CADPS: variants seen among roughly 807,000 people sequenced by gnomAD.
CADPS encodes calcium-dependent secretion activator 1.
A neutral mutation model predicts 167.3 loss-of-function variants in CADPS; 57 were observed. The observed-to-expected ratio is 0.34, with a 90% confidence interval of 0.28 to 0.42. The LOEUF (loss-of-function observed/expected upper bound fraction) is 0.42. Ranked by LOEUF, CADPS falls within the 20% of genes least tolerant of loss-of-function variation. The pLI, the probability that CADPS is intolerant of heterozygous loss-of-function variation, is 1.00. For missense variants in CADPS, 1,414 were observed against 1,738.1 expected, an observed-to-expected ratio of 0.81 and a Z score of 3.32; for synonymous variants, 676 against 635.3, an observed-to-expected ratio of 1.06 and a Z score of -0.96.
rs114834877 is a variant in CADPS at position 62,410,598 on chromosome 3, G to T, written c.3778-7413C>A. Reference sequence around the variant, plus strand: ...TGGATCCTGACAAATTCCTAACACCGCTGTGCCTCAGTTTTTTCATCTGGT... The same window carrying T: ...TGGATCCTGACAAATTCCTAACACCTCTGTGCCTCAGTTTTTTCATCTGGT... On this transcript the variant is annotated intron_variant, in intron 28 of 29. Coordinates refer to ENST00000383710, the MANE Select transcript of CADPS (RefSeq NM_003716.4). Among the ~76,000 whole-genome samples, 533 of 152,298 alleles carry T rather than the reference G, an allele frequency of 3.5e-3. 5 individuals carry two copies. In the East Asian group the frequency reaches 0.04, roughly 12 times the overall value.
chr3:62,624,941 G>C (rs868573620), intron 6 of CADPS, among the ~76,000 whole-genome samples: 2 of 151,372 alleles, frequency 1.3e-5, no homozygotes, highest in Middle Eastern at 3.4e-3. Context: ...GCCAATCATT[G>C]CCTCATTCTG....
At chr3:62,556,000 G>T (rs1394578812) in intron 10 of CADPS, among the ~76,000 whole-genome samples, 1 of 152,048 alleles carries the variant, frequency 6.6e-6, no homozygotes, top group Admixed American at 6.6e-5. Context: ...CGATCCTCTC[G>T]CCTTGGGATT....
intron 4 of CADPS, among the ~76,000 whole-genome samples, chr3:62,659,115 G>A (rs564209285): frequency 2.0e-5 from 3 of 152,212 alleles, no homozygotes; most frequent in African/African-American, 7.2e-5. Context: ...AACGGAGTGA[G>A]TTACATATGA....
chr3:62,745,787 T>G (rs2081322372), intron 3 of CADPS, among the ~76,000 whole-genome samples: 1 of 152,254 alleles, frequency 6.6e-6, no homozygotes, highest in Non-Finnish European at 1.5e-5. Flanking sequence ...CTGCATTTAC[T>G]GATTTAGTCA....
intron 18 of CADPS, among the ~76,000 whole-genome samples, chr3:62,495,475 A>G (rs1159978032): frequency 2.0e-5 from 3 of 152,184 alleles, no homozygotes; most frequent in Non-Finnish European, 4.4e-5. Flanking sequence ...GCTAACTCAC[A>G]ATGTTCATGG....
chr3:62,859,097 T>C (rs2080258618), intron 1 of CADPS, among the ~76,000 whole-genome samples: 1 of 152,192 alleles, frequency 6.6e-6, no homozygotes, highest in African/African-American at 2.4e-5. Context: ...CACAGAGTTC[T>C]TGCTGCGATT....
At chr3:62,773,203 C>T (rs1214711231) in intron 1 of CADPS, among the ~76,000 whole-genome samples, 1 of 151,974 alleles carries the variant, frequency 6.6e-6, no homozygotes, top group African/African-American at 2.4e-5. Flanking sequence ...GCCCTTTCTA[C>T]AACCAGACTA....
intron 28 of CADPS, among the ~76,000 whole-genome samples, chr3:62,426,662 C>T (rs537340666): frequency 1.1e-3 from 175 of 152,208 alleles, no homozygotes; most frequent in Middle Eastern, 3.4e-3. Flanking sequence ...GTAGCTTACC[C>T]GATGTCACAC....
At chr3:62,462,535 C>G (rs1039904671) in intron 26 of CADPS, among the ~76,000 whole-genome samples, 1 of 152,230 alleles carries the variant, frequency 6.6e-6, no homozygotes, top group Non-Finnish European at 1.5e-5. Context: ...TACTCGTCAG[C>G]TTTCTGGGGG....
intron 28 of CADPS, among the ~76,000 whole-genome samples, chr3:62,413,916 G>T (rs2049497101): frequency 6.6e-6 from 1 of 151,728 alleles, no homozygotes; most frequent in Non-Finnish European, 1.5e-5. Context: ...ATCTTTGTAA[G>T]ATGAGTGTAG....
chr3:62,596,705 G>C (rs959693786), intron 6 of CADPS, among the ~76,000 whole-genome samples: 5 of 152,106 alleles, frequency 3.3e-5, no homozygotes, highest in African/African-American at 9.7e-5. Flanking sequence ...CCCTTATCTT[G>C]CTGTACTTTT....
rs578082015 is a variant in CADPS at position 62,635,449 on chromosome 3, C to A, written c.1325+10273G>T. Among the ~76,000 whole-genome samples the A allele has an allele frequency of 2.3e-4, 35 of 152,272 alleles. No individual in the cohort carries two copies. The South Asian group carries it at 7.3e-3, about 32-fold the overall frequency. ...AGAAGAACATCCAAAAAACAACACC[C>A]TGTCATTATTAGATTGTATAGTGTG... On this transcript the variant is annotated intron_variant, in intron 6 of 29. Coordinates refer to ENST00000383710, the MANE Select transcript of CADPS (RefSeq NM_003716.4).
rs34655412 is a variant in CADPS at position 62,491,536 on chromosome 3, A to AACAC, written c.2885-60_2885-57dup. On this transcript the variant is annotated intron_variant, in intron 20 of 29. Transcript: ENST00000383710. The stretch of plus-strand genomic sequence containing the variant: ...ACCCACAGCTACTTTATCAACGTAC[A>AACAC]ACACACACACACACACACACAAACA... 7,903 of 1,003,998 alleles carry AACAC rather than the reference A, an allele frequency of 7.9e-3. 106 individuals are homozygous for AACAC. Among genetic ancestry groups the AACAC allele is most frequent in the African/African-American group, 0.055 (2,979 of 54,072 alleles). The allele number at this position is 1,003,998 out of a possible 1,614,324, so 62.2% of individuals were successfully genotyped here.
chr3:62,461,100 T>TG (rs1342987558), intron 26 of CADPS, among the ~76,000 whole-genome samples: 4 of 152,094 alleles, frequency 2.6e-5, no homozygotes, highest in Admixed American at 6.5e-5. Flanking sequence ...TCACGTGAGC[T>TG]GGGGGGAGCT....
intron 28 of CADPS, among the ~76,000 whole-genome samples, chr3:62,437,561 G>T (rs1042699526): frequency 2.6e-5 from 4 of 152,090 alleles, no homozygotes; most frequent in African/African-American, 9.7e-5. Context: ...GTTTAAAGCT[G>T]CAACTGACTG....
At chr3:62,837,203 A>G (rs907049033) in intron 1 of CADPS, among the ~76,000 whole-genome samples, 1 of 152,218 alleles carries the variant, frequency 6.6e-6, no homozygotes, top group African/African-American at 2.4e-5. Context: ...TTGTATTCCC[A>G]TCTTACATAA....
intron 13 of CADPS, among the ~76,000 whole-genome samples, chr3:62,519,981 C>T (rs1255976225): frequency 2.0e-5 from 3 of 152,098 alleles, no homozygotes; most frequent in African/African-American, 4.8e-5. Flanking sequence ...ACTGAACACA[C>T]ATTTGTTTAT....
intron 8 of CADPS, among the ~76,000 whole-genome samples, chr3:62,578,981 A>T (rs2082869239): frequency 6.6e-6 from 1 of 152,234 alleles, no homozygotes; most frequent in African/African-American, 2.4e-5. Flanking sequence ...GAAGAAAAAG[A>T]GGTCTAGAAC....
At chr3:62,656,274 T>C (rs557065257) in intron 4 of CADPS, among the ~76,000 whole-genome samples, 5 of 152,166 alleles carry the variant, frequency 3.3e-5, no homozygotes, top group Admixed American at 6.5e-5. Flanking sequence ...AAGATAATAA[T>C]GTTAGTTGGC....
Sources: allele counts gnomAD v4.1 joint callset (sites outside exome capture counted in the v4.1 genomes callset), GRCh38; gene constraint gnomAD v4.1.1; transcripts MANE v1.5; gene names NCBI Gene and HGNC (gene_info 2026-07-23, HGNC 2026-07-21).